ROBO2: variants seen among roughly 807,000 people sequenced by gnomAD.
The protein encoded by ROBO2 is roundabout guidance receptor 2.
ROBO2 carries 53 observed loss-of-function variants against 160.8 expected under a neutral mutation model. The observed-to-expected ratio is 0.33, with a 90% CI of 0.26 to 0.41. ROBO2 has a LOEUF of 0.41. Ranked by LOEUF, ROBO2 falls within the 10% of genes least tolerant of loss-of-function variation. The pLI, the probability that ROBO2 is intolerant of heterozygous loss-of-function variation, is 1.00. For synonymous variants in ROBO2, 664 were observed against 611.7 expected (o/e 1.09, Z -1.26); for missense variants, 1,577 against 1,722.4 (o/e 0.92, Z 1.49).
chr3:77,625,067 G>A (rs1032074558), intron 23 of ROBO2, among the ~76,000 whole-genome samples: 12 of 152,056 alleles, frequency 7.9e-5, no homozygotes, highest in African/African-American at 2.9e-4. Flanking sequence ...AAAGAAATAA[G>A]CATGTTAACT....
At chr3:76,833,762 C>T (rs565161004) in intron 2 of ROBO2, among the ~76,000 whole-genome samples, 1 of 152,248 alleles carries the variant, frequency 6.6e-6, no homozygotes, top group East Asian at 1.9e-4. Context: ...CCTCCCTTTA[C>T]ACTGGTAAGT....
intron 2 of ROBO2, among the ~76,000 whole-genome samples, chr3:77,296,152 C>T (rs901181704): frequency 8.2e-5 from 12 of 147,190 alleles, no homozygotes; most frequent in Non-Finnish European, 1.3e-4. Context: ...GTAAAATTGA[C>T]GGCTAAACGA....
intron 6 of ROBO2, among the ~76,000 whole-genome samples, chr3:77,540,125 G>T (rs548794630): frequency 1.2e-4 from 19 of 152,254 alleles, no homozygotes; most frequent in Admixed American, 5.9e-4. Context: ...AAGCACTATA[G>T]GTTTATGAAT....
rs699451 is a variant in ROBO2 at position 77,546,684 on chromosome 3, A to G, written c.1059+222A>G. 0.56 allele frequency among the ~76,000 whole-genome samples: 85,189 copies of G among 151,968 alleles called. 23,970 individuals carry two copies. The highest frequency in any genetic ancestry group is 0.68 in the Middle Eastern group (200 of 294). On this transcript the variant is annotated intron_variant, in intron 7 of 25. Transcript: ENST00000461745. The stretch of plus-strand genomic sequence containing the variant: ...TTCAAAATTCTGTCTCTTACATAGA[A>G]CAGCAATAAAGCAGTGTAACAAAAT...
chr3:76,119,378 G>A (rs2070623183), intron 2 of ROBO2, among the ~76,000 whole-genome samples: 1 of 151,886 alleles, frequency 6.6e-6, no homozygotes, highest in South Asian at 2.1e-4. Context: ...AGCTCACTTA[G>A]TTAACAAAAA....
chr3:76,492,122 C>T (rs1440993145), intron 2 of ROBO2, among the ~76,000 whole-genome samples: 2 of 151,080 alleles, frequency 1.3e-5, no homozygotes, highest in East Asian at 1.9e-4. Flanking sequence ...ATCTCAAAAA[C>T]GAACAAAAAA....
chr3:76,708,788 G>A (rs967438795), intron 2 of ROBO2, among the ~76,000 whole-genome samples: 10 of 152,166 alleles, frequency 6.6e-5, no homozygotes, highest in Non-Finnish European at 1.3e-4. Context: ...TGAGGGGATT[G>A]GAAGCAAGGG....
At chr3:75,983,782 C>A (rs762987961) in intron 2 of ROBO2, among the ~76,000 whole-genome samples, 1 of 151,278 alleles carries the variant, frequency 6.6e-6, no homozygotes, top group Non-Finnish European at 1.5e-5. Flanking sequence ...TTATTTCATT[C>A]CTTTACACAC....
At chr3:76,440,998 A>G (rs978012184) in intron 2 of ROBO2, among the ~76,000 whole-genome samples, 1 of 152,126 alleles carries the variant, frequency 6.6e-6, no homozygotes, top group African/African-American at 2.4e-5. Flanking sequence ...GAATATTAAC[A>G]TTTAAATTTG....
intron 2 of ROBO2, among the ~76,000 whole-genome samples, chr3:76,143,030 A>G (rs62268945): frequency 0.36 from 54,704 of 151,446 alleles, 11,547 homozygotes; most frequent in South Asian, 0.51. Context: ...GAGTTTATGT[A>G]TGTAGGTATT....
chr3:77,408,489 A>G (rs2076437137), intron 2 of ROBO2, among the ~76,000 whole-genome samples: 1 of 152,198 alleles, frequency 6.6e-6, no homozygotes, highest in Admixed American at 6.5e-5. Context: ...ACCCCCTCAC[A>G]TATTAATTAA....
intron 2 of ROBO2, among the ~76,000 whole-genome samples, chr3:76,049,171 C>T (rs752624320): frequency 6.6e-6 from 1 of 151,722 alleles, no homozygotes; most frequent in Non-Finnish European, 1.5e-5. Context: ...AAGGAGCCCC[C>T]TTTTCCGTTT....
At chr3:77,294,052 G>T (rs1350221775) in intron 2 of ROBO2, among the ~76,000 whole-genome samples, 1 of 140,974 alleles carries the variant, frequency 7.1e-6, no homozygotes, top group Non-Finnish European at 1.5e-5. Flanking sequence ...AAGATTAAAT[G>T]GGAAGTTGAG....
In ROBO2 at chr3:77,249,970, A is replaced by G. The variant is rs1393334483; in HGVS notation, c.388+151630A>G. Among the ~76,000 whole-genome samples, 4 of 152,186 alleles carry G rather than the reference A, an allele frequency of 2.6e-5. No homozygotes were observed. The East Asian group carries it at 5.8e-4, about 22-fold the overall frequency. On this transcript the variant is annotated intron_variant, in intron 2 of 25. Transcript: ENST00000461745. ...GAACTCTGCATTTAAGGAAGCATCC[A>G]AAGTAATTTTTTTCTATAAAAACAC...
At chr3:76,403,622 T>C (rs2077974344) in intron 2 of ROBO2, among the ~76,000 whole-genome samples, 1 of 151,508 alleles carries the variant, frequency 6.6e-6, no homozygotes, top group Non-Finnish European at 1.5e-5. Context: ...AGGCCACCAC[T>C]TCTGTACAAG....
intron 2 of ROBO2, among the ~76,000 whole-genome samples, chr3:76,303,897 C>T (rs1309377312): frequency 2.6e-5 from 4 of 152,146 alleles, no homozygotes; most frequent in Admixed American, 2.6e-4. Context: ...CCCGGTGATA[C>T]TCAGGTGCTG....
intron 2 of ROBO2, among the ~76,000 whole-genome samples, chr3:76,639,352 ACATG>A: frequency 6.6e-6 from 1 of 152,018 alleles, no homozygotes; most frequent in South Asian, 2.1e-4. Context: ...ATGTATATGT[ACATG>A]CATATATACC....
intron 2 of ROBO2, among the ~76,000 whole-genome samples, chr3:76,988,818 T>C (rs1232591115): frequency 2.6e-5 from 4 of 152,142 alleles, no homozygotes; most frequent in Non-Finnish European, 5.9e-5. Flanking sequence ...GAAGTGAATA[T>C]GTATTTTCAA....
intron 2 of ROBO2, among the ~76,000 whole-genome samples, chr3:76,762,431 A>G (rs957877313): frequency 6.9e-6 from 1 of 145,716 alleles, no homozygotes; most frequent in African/African-American, 2.5e-5. Flanking sequence ...CTTCTCCACA[A>G]TGAGAATCCA....
Sources: gnomAD v4.1 joint callset for allele counts (sites outside exome capture counted in the v4.1 genomes callset) on GRCh38, gnomAD v4.1.1 for gene constraint, MANE v1.5 for transcripts, NCBI Gene and HGNC (gene_info 2026-07-23, HGNC 2026-07-21) for gene names.